Variants in MLLT3 observed in about 807,000 individuals in gnomAD.
MLLT3 encodes protein AF-9.
In MLLT3, 4 loss-of-function variants were observed where a neutral mutation model predicts 53.2. The ratio of observed to expected loss-of-function variants is 0.08; its 90% confidence interval spans 0.04 to 0.17. The LOEUF (loss-of-function observed/expected upper bound fraction) is 0.17, where lower values mean the gene tolerates loss of function less well. Among genes scored for constraint, MLLT3 ranks in the 10% least tolerant of loss-of-function variants. The pLI is 1.00. For synonymous variants in MLLT3, 283 were observed against 230.6 expected (o/e 1.23, Z -2.06); for missense variants, 569 against 684.0 (o/e 0.83, Z 1.87).
intron 2 of MLLT3, among the ~76,000 whole-genome samples, chr9:20,528,356 T>A (rs1437379686): frequency 3.3e-5 from 5 of 152,244 alleles, no homozygotes; most frequent in African/African-American, 1.2e-4. Flanking sequence ...TAGACAGGGA[T>A]AGCACACCGC....
chr9:20,346,096 C>T lies in MLLT3; in HGVS notation c.*347G>A. 1 of 263,250 alleles carries T rather than the reference C, an allele frequency of 3.8e-6. No individual in the cohort carries two copies. 16.3% of individuals were successfully genotyped at this position (263,250 alleles called of 1,614,324 possible). ...TATGCATTCGTCCTGTGGAATGAAC[C>T]ACCACAGAGAGATACATGATACCAT... On this transcript the variant is annotated 3_prime_UTR_variant, in exon 11 of 11. Transcript: ENST00000380338.
chr9:20,585,202 G>A (rs1190582442), intron 2 of MLLT3, among the ~76,000 whole-genome samples: 1 of 152,106 alleles, frequency 6.6e-6, no homozygotes, highest in Non-Finnish European at 1.5e-5. Context: ...ACTTGTAGAT[G>A]GCCAACTTCT....
chr9:20,531,868 G>A (rs889758932), intron 2 of MLLT3, among the ~76,000 whole-genome samples: 1 of 151,774 alleles, frequency 6.6e-6, no homozygotes, highest in African/African-American at 2.4e-5. Flanking sequence ...CTGATTCACA[G>A]GAATAAATAT....
At chr9:20,522,979 A>ATAAG (rs1818105175) in intron 2 of MLLT3, among the ~76,000 whole-genome samples, 1 of 151,996 alleles carries the variant, frequency 6.6e-6, no homozygotes, top group Non-Finnish European at 1.5e-5. Flanking sequence ...AAATAAATAA[A>ATAAG]TAAATAAATA....
chr9:20,392,741 A>C (rs1822219323), intron 5 of MLLT3, among the ~76,000 whole-genome samples: 1 of 152,202 alleles, frequency 6.6e-6, no homozygotes, highest in South Asian at 2.1e-4. Context: ...GGACAGGACA[A>C]AAGGCAAAGC....
intron 2 of MLLT3, among the ~76,000 whole-genome samples, chr9:20,537,705 A>T (rs1392261776): frequency 6.6e-6 from 1 of 152,228 alleles, no homozygotes; most frequent in East Asian, 1.9e-4. Context: ...TAAAACACCA[A>T]GAAGAAGAAA....
At chr9:20,366,275 C>T (rs930326718) in intron 5 of MLLT3, among the ~76,000 whole-genome samples, 3 of 152,136 alleles carry the variant, frequency 2.0e-5, no homozygotes, top group African/African-American at 7.2e-5. Context: ...TTCAACTCTT[C>T]ACTTATGAGA....
chr9:20,605,887 T>C (rs1055313665), intron 2 of MLLT3, among the ~76,000 whole-genome samples: 2 of 152,128 alleles, frequency 1.3e-5, no homozygotes, highest in Admixed American at 1.3e-4. Flanking sequence ...GTGTTGGTTT[T>C]GTAAAGGAGT....
Position 20,566,072 on chromosome 9 carries a change from A to G in MLLT3, c.193+54582T>C, listed in dbSNP as rs866040645. ...TATATATTTATATATATATTTGTGT[A>G]TATATATATATAAATATATATATAA... On this transcript the variant is annotated intron_variant, in intron 2 of 10. Coordinates refer to ENST00000380338, the MANE Select transcript of MLLT3 (RefSeq NM_004529.4). Among the ~76,000 whole-genome samples the G allele has an allele frequency of 4.0e-3, 549 of 138,458 alleles. 6 individuals carry two copies. Among genetic ancestry groups the G allele is most frequent in the African/African-American group, 0.013 (493 of 37,716 alleles). The allele number at this position is 138,458 out of a possible 152,430, so 90.8% of individuals were successfully genotyped here. A position where few individuals can be genotyped will look rare whatever the true frequency, so the allele number is the denominator to read the frequency against.
intron 2 of MLLT3, among the ~76,000 whole-genome samples, chr9:20,586,075 C>T (rs754259221): frequency 7.2e-5 from 11 of 152,024 alleles, no homozygotes; most frequent in Non-Finnish European, 1.6e-4. Flanking sequence ...CCTAGCACTT[C>T]GGGAAGCCAA....
intron 2 of MLLT3, among the ~76,000 whole-genome samples, chr9:20,587,316 C>T (rs1047869419): frequency 5.3e-5 from 8 of 151,842 alleles, no homozygotes; most frequent in Non-Finnish European, 1.2e-4. Context: ...CTCCTATTAT[C>T]ACTATTCTAT....
intron 6 of MLLT3, 86 bp from the exon 7 acceptor site, chr9:20,363,691 A>G (rs1335776635): frequency 1.6e-6 from 2 of 1,247,276 alleles, no homozygotes; most frequent in Admixed American, 2.3e-5. Context: ...GCTTACCAGC[A>G]CTGAACACTG....
intron 2 of MLLT3, among the ~76,000 whole-genome samples, chr9:20,507,602 C>A (rs1388160324): frequency 6.6e-6 from 1 of 152,078 alleles, no homozygotes; most frequent in Admixed American, 6.5e-5. Context: ...TCAAAGCCAG[C>A]AGATGATTTC....
At chr9:20,355,202 G>C (rs1821142248) in intron 8 of MLLT3, among the ~76,000 whole-genome samples, 1 of 151,668 alleles carries the variant, frequency 6.6e-6, no homozygotes. Context: ...ATGTATAGCA[G>C]CTGAGTTATA....
rs144880068 is a variant in MLLT3, at chr9:20,477,802, C to T, written c.194-21016G>A. 1.8e-3 allele frequency among the ~76,000 whole-genome samples: 273 copies of T among 152,258 alleles called. 2 individuals are homozygous for T. Among genetic ancestry groups the T allele is most frequent in the South Asian group, 0.017 (82 of 4,820 alleles). On this transcript the variant is annotated intron_variant, in intron 2 of 10. Transcript: ENST00000380338. Reference sequence around the variant, plus strand: ...ATGAGTTATTTTTGCAAGCTCACTTCTACCCTAAAATGAGATGACCAACAC... The same window carrying T: ...ATGAGTTATTTTTGCAAGCTCACTTTTACCCTAAAATGAGATGACCAACAC...
intron 2 of MLLT3, among the ~76,000 whole-genome samples, chr9:20,558,834 T>C (rs868593373): frequency 3.3e-5 from 5 of 152,246 alleles, no homozygotes; most frequent in African/African-American, 7.2e-5. Context: ...GCAAGCTCTG[T>C]TTCCACAAGA....
At chr9:20,441,521 T>C (rs982091995) in intron 4 of MLLT3, among the ~76,000 whole-genome samples, 7 of 152,092 alleles carry the variant, frequency 4.6e-5, no homozygotes, top group African/African-American at 1.4e-4. Context: ...GACAAGGTTA[T>C]AGAAAGAAGG....
intron 4 of MLLT3, among the ~76,000 whole-genome samples, chr9:20,420,497 A>G (rs1440089719): frequency 2.0e-5 from 3 of 152,206 alleles, no homozygotes; most frequent in African/African-American, 7.2e-5. Context: ...AGTACCAAAT[A>G]GGATAAAAAA....
At chr9:20,347,240 T>C (rs1307752345) in intron 10 of MLLT3, among the ~76,000 whole-genome samples, 1 of 152,144 alleles carries the variant, frequency 6.6e-6, no homozygotes, top group Non-Finnish European at 1.5e-5. Flanking sequence ...TTGGTGAAAA[T>C]GTATCTACCT....
Sources: allele counts gnomAD v4.1 joint callset (sites outside exome capture counted in the v4.1 genomes callset), GRCh38; gene constraint gnomAD v4.1.1; transcripts MANE v1.5; gene names NCBI Gene and HGNC (gene_info 2026-07-23, HGNC 2026-07-21).